The following CRISP1 variants were observed in gnomAD, a reference collection of about 807,000 sequenced individuals.
The protein encoded by CRISP1 is cysteine rich secretory protein 1.
In CRISP1, 44 loss-of-function variants were observed where a neutral mutation model predicts 33.1. The ratio of observed to expected loss-of-function variants is 1.33; its 90% CI spans 1.05 to 1.71. The LOEUF is 1.71. Among genes scored for constraint, CRISP1 ranks in the 40% most tolerant of loss-of-function variants. The pLI, the probability that CRISP1 is intolerant of heterozygous loss-of-function variation, is 0.00. For missense variants in CRISP1, 390 were observed against 301.2 expected, an observed-to-expected ratio of 1.29 and a Z score of -2.18; for synonymous variants, 103 against 98.7, an observed-to-expected ratio of 1.04 and a Z score of -0.26.
chr6:49,837,691 G>A (rs576403750), intron 7 of CRISP1, among the ~76,000 whole-genome samples: 5 of 152,062 alleles, frequency 3.3e-5, no homozygotes, highest in South Asian at 2.1e-4. Flanking sequence ...CTTTCAAGTC[G>A]GAGGTCACAG....
intron 3 of CRISP1, among the ~76,000 whole-genome samples, chr6:49,849,194 C>T (rs149620728): frequency 6.6e-6 from 1 of 152,120 alleles, no homozygotes; most frequent in African/African-American, 2.4e-5. Flanking sequence ...AGTCTCCTAT[C>T]ATTGTGGTGT....
upstream of CRISP1, among the ~76,000 whole-genome samples, chr6:49,871,068 A>C (rs947814323): frequency 6.6e-6 from 1 of 151,658 alleles, no homozygotes; most frequent in African/African-American, 2.4e-5. Context: ...GCGCCATTGC[A>C]CTCTAGCCTG....
chr6:49,870,439 T>C (rs112091240), upstream of CRISP1, among the ~76,000 whole-genome samples: 1 of 152,180 alleles, frequency 6.6e-6, no homozygotes, highest in South Asian at 2.1e-4. Flanking sequence ...TATTGTAGGT[T>C]GGAAAGTGAG....
chr6:49,852,299 A>G (rs1388249921), intron 2 of CRISP1, among the ~76,000 whole-genome samples, 170 bp from the exon 3 acceptor site: 2 of 152,128 alleles, frequency 1.3e-5, no homozygotes, highest in Non-Finnish European at 2.9e-5. Flanking sequence ...TCCAGTACTA[A>G]TTTTGAGGAT....
chr6:49,849,708 G>T (rs62404911), intron 3 of CRISP1, among the ~76,000 whole-genome samples: 1 of 152,030 alleles, frequency 6.6e-6, no homozygotes, highest in East Asian at 1.9e-4. Context: ...CTCATTTTCA[G>T]TGTCGTCCTG....
intron 2 of CRISP1, among the ~76,000 whole-genome samples, chr6:49,854,806 A>T (rs62404914): frequency 0.097 from 14,720 of 152,144 alleles, 991 homozygotes; most frequent in Non-Finnish European, 0.15. Context: ...GGTTGTCGTG[A>T]TGGGCATGAT....
chr6:49,873,763 A>G (rs1025473396), intron 1 of CRISP1, among the ~76,000 whole-genome samples: 3 of 149,332 alleles, frequency 2.0e-5, no homozygotes, highest in African/African-American at 7.3e-5. Flanking sequence ...TAAAATATTT[A>G]AAGTTTTTTA....
rs145871288 is a variant in CRISP1 at position 49,852,091 on chromosome 6, G to A, written c.105C>T (p.Thr35=). The A allele has an allele frequency of 2.5e-5, 40 of 1,612,988 alleles. No homozygotes were observed. The highest frequency in any genetic ancestry group is 3.3e-5 in the Admixed American group (2 of 59,870). ...TCTCTTCTTGTACATTTGGCAAGTC[G>A]GTGACGAGCTTATTAAATTGGTCTC... ...SARDQFNKLV[T]DLPNVQEEIV... Residue 35 remains threonine, a synonymous_variant, in exon 3 of 8, where the codon ACC becomes ACT. Coordinates refer to ENST00000335847, the MANE Select transcript of CRISP1 (RefSeq NM_001131.3).
intron 6 of CRISP1, 85 bp from the exon 7 acceptor site, chr6:49,838,610 AAAC>A (rs1770882250): frequency 5.3e-6 from 5 of 937,254 alleles, no homozygotes; most frequent in Non-Finnish European, 4.9e-6. Context: ...CCAATTTTAA[AAAC>A]AAATTGTGTA....
At chr6:49,855,928 G>T (rs992773513) in intron 2 of CRISP1, among the ~76,000 whole-genome samples, 1 of 152,132 alleles carries the variant, frequency 6.6e-6, no homozygotes, top group Non-Finnish European at 1.5e-5. Flanking sequence ...ATAAATTTGT[G>T]TTGGGGGTTA....
In CRISP1 at chr6:49,852,111, G is replaced by T; in HGVS notation, c.85C>A (p.Gln29Lys). ...AAGTCGGTGACGAGCTTATTAAATT[G>T]GTCTCTAGCTGATTTCTTCTGTTAC... is the stretch of plus-strand genomic sequence containing the variant. Reference protein sequence around the residue: ...LSMKKKSARDQFNKLVTDLPN... With the variant: ...LSMKKKSARDKFNKLVTDLPN... Residue 29 changes from glutamine (Q) to lysine (K), a missense_variant, in exon 3 of 8, where the codon CAA (glutamine) becomes AAA (lysine). Gln to Lys is a moderately conservative substitution (Grantham distance 53). Transcript: ENST00000335847. 6.2e-7 allele frequency: 1 copy of T among 1,611,260 alleles called. No individual in the cohort carries two copies. The highest frequency in any genetic ancestry group is 8.5e-7 in the Non-Finnish European group (1 of 1,178,898).
intron 3 of CRISP1, among the ~76,000 whole-genome samples, chr6:49,850,689 T>C (rs992888220): frequency 1.3e-5 from 2 of 152,194 alleles, no homozygotes; most frequent in African/African-American, 4.8e-5. Context: ...CTTCTTGATA[T>C]TTCATATCTT....
Position 49,848,241 on chromosome 6 carries a change from G to A in CRISP1, c.254C>T (p.Thr85Ile). 6.2e-7 allele frequency: 1 copy of A among 1,602,378 alleles called. No homozygotes were observed. Residue 85 changes from threonine to isoleucine, a missense_variant, in exon 4 of 8, where the codon ACA becomes ATA. Coordinates refer to ENST00000335847, the MANE Select transcript of CRISP1 (RefSeq NM_001131.3). ...TCTCCTCTCAAGGGGGTTGCTCTCT[G>A]TCATATCACAATACTTTGAAAAAAT... Reference protein sequence around the residue: ...ARIFSKYCDMTESNPLERRLP... With the variant: ...ARIFSKYCDMIESNPLERRLP...
At position 49,836,340 on chromosome 6, in the gene CRISP1, A is replaced by T. The variant is rs868263051; in HGVS notation, c.623-897T>A. 8.3e-3 allele frequency among the ~76,000 whole-genome samples: 1,183 copies of T among 143,010 alleles called. 9 individuals are homozygous for T. Among genetic ancestry groups the T allele is most frequent in the African/African-American group, 0.028 (1,043 of 37,448 alleles). The allele number at this position is 143,010 out of a possible 152,430, so 93.8% of individuals were successfully genotyped here. A position where few individuals can be genotyped will look rare whatever the true frequency, so the allele number is the denominator to read the frequency against. On this transcript the variant is annotated intron_variant, in intron 7 of 7. Transcript: ENST00000335847. The stretch of plus-strand genomic sequence containing the variant: ...TAAATTTTATTTTTATTTTTATTTT[A>T]TTTTTTTTTTTTTGAGACGGAGTCT...
At chr6:49,876,913 AG>A (rs1772048613) in intron 1 of CRISP1, 1 of 151,846 alleles carries the variant, frequency 6.6e-6, no homozygotes, top group African/African-American at 2.4e-5. Flanking sequence ...GGAGAGCATC[AG>A]GAAGAATAGC....
chr6:49,870,246 T>C (rs1222436142), upstream of CRISP1, among the ~76,000 whole-genome samples: 1 of 152,208 alleles, frequency 6.6e-6, no homozygotes, highest in Non-Finnish European at 1.5e-5. Flanking sequence ...ATTTGGAATT[T>C]GTGTCAGCTA....
chr6:49,852,362 T>C (rs1485477298), intron 2 of CRISP1, among the ~76,000 whole-genome samples: 1 of 152,192 alleles, frequency 6.6e-6, no homozygotes, highest in Non-Finnish European at 1.5e-5. Context: ...GCACTTGTTA[T>C]CCTGTTATTA....
chr6:49,859,532 C>T (rs987708835), intron 1 of CRISP1, among the ~76,000 whole-genome samples: 3 of 152,006 alleles, frequency 2.0e-5, no homozygotes, highest in African/African-American at 7.2e-5. Flanking sequence ...ATTAGACTGG[C>T]CTTACCAGTA....
chr6:49,859,987 A>G (rs1582279400), intron 1 of CRISP1, among the ~76,000 whole-genome samples: 1 of 152,298 alleles, frequency 6.6e-6, no homozygotes, highest in East Asian at 1.9e-4. Flanking sequence ...GCTATAAGAT[A>G]AAACAGACTT....
Sources: gnomAD v4.1 joint callset for allele counts (sites outside exome capture counted in the v4.1 genomes callset) on GRCh38, gnomAD v4.1.1 for gene constraint, MANE v1.5 for transcripts, NCBI Gene and HGNC (gene_info 2026-07-23, HGNC 2026-07-21) for gene names.